PLXNA4: variants seen among roughly 807,000 people sequenced by gnomAD.
PLXNA4 encodes the protein plexin A4.
PLXNA4 carries 44 observed loss-of-function variants against 191.8 expected under a neutral mutation model. The observed-to-expected ratio is 0.23, with a 90% CI of 0.18 to 0.29. PLXNA4 has a LOEUF of 0.29. PLXNA4 is among the 10% of genes least tolerant of loss of function. The probability of loss-of-function intolerance (pLI) is 1.00; values close to 1 mark genes in which losing one functional copy is unlikely to be tolerated. For missense variants in PLXNA4, 1,800 were observed against 2,488.8 expected (o/e 0.72, Z 5.89); for synonymous variants, 1,082 against 1,009.5 (o/e 1.07, Z -1.36).
intron 2 of PLXNA4, among the ~76,000 whole-genome samples, chr7:132,588,778 AAGAG>A (rs1235946663): frequency 9.6e-4 from 146 of 151,326 alleles, no homozygotes; most frequent in East Asian, 2.3e-3. Flanking sequence ...AAGAAAGAGA[AAGAG>A]AGAAAAAGAA....
intron 24 of PLXNA4, among the ~76,000 whole-genome samples, chr7:132,163,654 CTAGGCCA>C (rs1192043111): frequency 6.6e-6 from 1 of 152,208 alleles, no homozygotes; most frequent in Non-Finnish European, 1.5e-5. Context: ...CCTTGCACCA[CTAGGCCA>C]CCTTGGCCTT....
chr7:132,282,645 A>G (rs982567091), intron 4 of PLXNA4, among the ~76,000 whole-genome samples: 1 of 118,348 alleles, frequency 8.4e-6, no homozygotes, highest in South Asian at 2.5e-4. Context: ...AAAAAAAAAA[A>G]AAAAAAAAAA....
At chr7:132,308,549 C>T (rs1563025845) in intron 3 of PLXNA4, among the ~76,000 whole-genome samples, 1 of 152,134 alleles carries the variant, frequency 6.6e-6, no homozygotes, top group Admixed American at 6.6e-5. Context: ...TGCAAAAGAC[C>T]AGAATCCTGA....
At chr7:132,504,992 A>G (rs1399253841) in intron 2 of PLXNA4, among the ~76,000 whole-genome samples, 3 of 152,202 alleles carry the variant, frequency 2.0e-5, no homozygotes, top group African/African-American at 7.2e-5. Context: ...GAACTCGGGT[A>G]TCTGCCAAAT....
intron 1 of PLXNA4, among the ~76,000 whole-genome samples, chr7:132,569,083 C>T (rs764311903): frequency 1.3e-5 from 2 of 152,316 alleles, no homozygotes; most frequent in Admixed American, 6.5e-5. Context: ...ACTCATGCCT[C>T]GTGGGGTGAC....
At chr7:132,348,808 C>T in intron 3 of PLXNA4, among the ~76,000 whole-genome samples, 1 of 152,192 alleles carries the variant, frequency 6.6e-6, no homozygotes, top group Non-Finnish European at 1.5e-5. Context: ...TAGCTCAGGC[C>T]AATGGGAGCC....
chr7:132,255,322 G>A (rs1442414125), intron 4 of PLXNA4, among the ~76,000 whole-genome samples: 3 of 152,116 alleles, frequency 2.0e-5, no homozygotes, highest in African/African-American at 2.4e-5. Context: ...TTGGTCAGGC[G>A]CACTCAACAT....
In PLXNA4 at chr7:132,210,810, G is replaced by C. The variant is rs981384128; in HGVS notation, c.2298+133C>G. 42 of 1,004,560 alleles carry C rather than the reference G, an allele frequency of 4.2e-5. No homozygotes were observed. In the Admixed American group the frequency reaches 6.5e-4, roughly 16 times the overall value. The allele number at this position is 1,004,560 out of a possible 1,614,324, so 62.2% of individuals were successfully genotyped here. ...GCTGGGATGTGCCAGCAGGCATGGG[G>C]GAAGCAGGTAGGCAGTTTTGTGCGT... On this transcript the variant is annotated intron_variant, in intron 10 of 31. Transcript: ENST00000321063.
chr7:132,160,720 C>A (rs1795925149), intron 24 of PLXNA4, among the ~76,000 whole-genome samples: 1 of 152,194 alleles, frequency 6.6e-6, no homozygotes, highest in Non-Finnish European at 1.5e-5. Flanking sequence ...CTTCTCGGAA[C>A]TTTCACTCCC....
chr7:132,221,395 T>A (rs1798140304), intron 9 of PLXNA4, among the ~76,000 whole-genome samples: 1 of 152,218 alleles, frequency 6.6e-6, no homozygotes, highest in Non-Finnish European at 1.5e-5. Flanking sequence ...TCTGGAAAGC[T>A]GGAGAGAAGC....
rs1421679162 is a variant in PLXNA4, at chr7:132,125,920, G to T, written c.*4559C>A. ...AGGAGCAGGGGAAGTTCCCGGAGAG[G>T]GGCTTCTCTGGGCCTTGTGCCTGCA... On this transcript the variant is annotated 3_prime_UTR_variant, in exon 32 of 32. Transcript: ENST00000321063. 6.6e-6 allele frequency: 1 copy of T among 152,284 alleles called. No individual in the cohort carries two copies. The highest frequency in any genetic ancestry group is 1.5e-5 in the Non-Finnish European group (1 of 68,162). The allele number at this position is 152,284 out of a possible 1,614,324, so 9.4% of individuals were successfully genotyped here. A position where few individuals can be genotyped will look rare whatever the true frequency, so the allele number is the denominator to read the frequency against.
chr7:132,370,672 T>C (rs1044364892), intron 3 of PLXNA4, among the ~76,000 whole-genome samples: 2 of 152,182 alleles, frequency 1.3e-5, no homozygotes, highest in African/African-American at 4.8e-5. Flanking sequence ...ATCATATCAC[T>C]AATAAATGTC....
chr7:132,602,657 C>G (rs549270040), intron 2 of PLXNA4, among the ~76,000 whole-genome samples: 1 of 152,294 alleles, frequency 6.6e-6, no homozygotes, highest in Admixed American at 6.5e-5. Flanking sequence ...AAGACATTTA[C>G]CCAGCCACCA....
chr7:132,376,790 C>T (rs763527498), intron 3 of PLXNA4, among the ~76,000 whole-genome samples: 19 of 152,286 alleles, frequency 1.2e-4, no homozygotes, highest in Non-Finnish European at 2.2e-4. Flanking sequence ...TGTCCTAGAA[C>T]GGACACGGGG....
At chr7:132,297,931 G>A (rs1039126182) in intron 4 of PLXNA4, among the ~76,000 whole-genome samples, 160 bp downstream of exon 4, 6 of 152,134 alleles carry the variant, frequency 3.9e-5, no homozygotes, top group African/African-American at 1.4e-4. Flanking sequence ...CCAAGCCTCA[G>A]TCCCCAGGCA....
intron 1 of PLXNA4, among the ~76,000 whole-genome samples, chr7:132,511,991 C>A (rs1191636960): frequency 1.3e-5 from 2 of 152,138 alleles, no homozygotes; most frequent in East Asian, 3.9e-4. Flanking sequence ...TTTCCACCAC[C>A]CCGGCCTCTC....
chr7:132,438,270 G>C (rs1480906918), intron 3 of PLXNA4, among the ~76,000 whole-genome samples: 1 of 152,172 alleles, frequency 6.6e-6, no homozygotes, highest in Non-Finnish European at 1.5e-5. Context: ...ATGAGGTGTA[G>C]ATAACAGTAA....
intron 13 of PLXNA4, among the ~76,000 whole-genome samples, chr7:132,197,789 G>A (rs983263713): frequency 1.1e-4 from 16 of 152,294 alleles, no homozygotes; most frequent in East Asian, 1.9e-4. Flanking sequence ...GAAGACTTGC[G>A]AAGAGTCAAT....
At chr7:132,544,803 A>G (rs575902909) in intron 1 of PLXNA4, among the ~76,000 whole-genome samples, 1 of 152,356 alleles carries the variant, frequency 6.6e-6, no homozygotes, top group South Asian at 2.1e-4. Context: ...AGGTACCTGT[A>G]AAAAATAAAA....
Sources: gnomAD v4.1 joint callset for allele counts (sites outside exome capture counted in the v4.1 genomes callset) on GRCh38, gnomAD v4.1.1 for gene constraint, MANE v1.5 for transcripts, NCBI Gene and HGNC (gene_info 2026-07-23, HGNC 2026-07-21) for gene names.